Variants in ADAM9 observed in about 807,000 individuals in gnomAD.
The protein encoded by ADAM9 is ADAM metallopeptidase domain 9.
Under a neutral mutation model 108.1 loss-of-function variants are expected in ADAM9, and 54 were observed. That is an observed-to-expected ratio of 0.50 (90% CI 0.40 to 0.63). The LOEUF (loss-of-function observed/expected upper bound fraction) is 0.63, where lower values mean the gene tolerates loss of function less well. ADAM9 is among the 20% of genes least tolerant of loss of function. The pLI, the probability that ADAM9 is intolerant of heterozygous loss-of-function variation, is 0.00. For missense variants in ADAM9, 830 were observed against 997.7 expected (o/e 0.83, Z 2.26); for synonymous variants, 316 against 336.0 (o/e 0.94, Z 0.65).
chr8:39,013,313 A>G (rs190264254), intron 3 of ADAM9, among the ~76,000 whole-genome samples: 5 of 152,320 alleles, frequency 3.3e-5, no homozygotes, highest in Admixed American at 2.0e-4. Flanking sequence ...TATACTGTCA[A>G]TAACCCAGTT....
chr8:39,072,286 T>C (rs1186058015), intron 15 of ADAM9, among the ~76,000 whole-genome samples: 1 of 152,328 alleles, frequency 6.6e-6, no homozygotes, highest in East Asian at 1.9e-4. Context: ...TTCTGTAATA[T>C]TATCATTGCT....
chr8:39,045,122 G>GTATATA lies in ADAM9; in HGVS notation c.1302+3006_1302+3007insATATAT, dbSNP rs1356016546. Among the ~76,000 whole-genome samples, 154 of 67,884 alleles carry GTATATA rather than the reference G, an allele frequency of 2.3e-3. 25 individuals are homozygous for GTATATA. Among genetic ancestry groups the GTATATA allele is most frequent in the East Asian group, 0.021 (48 of 2,282 alleles). The allele number at this position is 67,884 out of a possible 152,430, so 44.5% of individuals were successfully genotyped here. A position where few individuals can be genotyped will look rare whatever the true frequency, so the allele number is the denominator to read the frequency against. ...TGTGTGTGCATACATACATATGTGT[G>GTATATA]TGTGCATACATACATATATGTGTAT... is the stretch of plus-strand genomic sequence containing the variant. On this transcript the variant is annotated intron_variant, in intron 12 of 21. Coordinates refer to ENST00000487273, the MANE Select transcript of ADAM9 (RefSeq NM_003816.3).
intron 12 of ADAM9, among the ~76,000 whole-genome samples, chr8:39,045,436 G>A (rs1377343974): frequency 9.0e-6 from 1 of 111,430 alleles, no homozygotes; most frequent in East Asian, 2.7e-4. Context: ...ACCTATATGT[G>A]CGCGTGTGTA....
intron 12 of ADAM9, among the ~76,000 whole-genome samples, chr8:39,053,317 A>G (rs1838016658): frequency 1.3e-5 from 2 of 152,028 alleles, no homozygotes; most frequent in South Asian, 2.1e-4. Flanking sequence ...GAACTTTTTC[A>G]TGTTGATGAA....
At chr8:39,045,568 G>GTATATATATATATATATATATATA (rs1354034713) in intron 12 of ADAM9, among the ~76,000 whole-genome samples, 6 of 139,230 alleles carry the variant, frequency 4.3e-5, no homozygotes, top group African/African-American at 1.6e-4. Flanking sequence ...ATGTGTGTGT[G>GTATATATATATATATATATATATA]TGTATATATA....
chr8:39,088,247 T>G (rs1466890492), intron 18 of ADAM9, among the ~76,000 whole-genome samples: 1 of 150,690 alleles, frequency 6.6e-6, no homozygotes, highest in East Asian at 2.0e-4. Context: ...GGGATAAATA[T>G]TGTTTCATAT....
At chr8:39,079,270 A>AT (rs1205312113) in intron 16 of ADAM9, among the ~76,000 whole-genome samples, 2 of 151,912 alleles carry the variant, frequency 1.3e-5, no homozygotes, top group Non-Finnish European at 2.9e-5. Flanking sequence ...TGCCTGGCTA[A>AT]TTTTTTTTAA....
chr8:39,041,498 T>TA (rs967819802), intron 11 of ADAM9, among the ~76,000 whole-genome samples: 3 of 151,358 alleles, frequency 2.0e-5, no homozygotes, highest in Middle Eastern at 3.2e-3. Context: ...GCAGAGCTCC[T>TA]AATAAGTGGT....
intron 12 of ADAM9, among the ~76,000 whole-genome samples, chr8:39,050,878 G>GAGGA (rs1837938915): frequency 1.4e-5 from 2 of 141,920 alleles, no homozygotes; most frequent in African/African-American, 5.3e-5. Context: ...AAACTGGGTA[G>GAGGA]AGGAACTGTG....
intron 11 of ADAM9, among the ~76,000 whole-genome samples, chr8:39,031,956 T>C (rs183757244): frequency 2.2e-4 from 34 of 152,316 alleles, no homozygotes; most frequent in African/African-American, 8.2e-4. Context: ...CTCCAGACCC[T>C]TTTTGCCTGG....
rs755286802 is a variant in ADAM9 at position 39,018,857 on chromosome 8, G to C, written c.611G>C (p.Arg204Thr). ...TGATGTTTGTGTTTTTGACAGAGAA[G>C]AAGAGCTGTCTTGCCACAGACCCGG... ...PPSMTQLLRR[R>T]RAVLPQTRYV... is the part of the protein sequence containing the mutation. Residue 204 changes from arginine to threonine, a missense_variant, in exon 7 of 22, where the codon AGA (arginine) becomes ACA (threonine). Arg to Thr is a moderately conservative substitution (Grantham distance 71). This residue lies in a region of ADAM9 where 381 missense variants were observed against 539.8 expected (regional missense o/e 0.71). Transcript: ENST00000487273. The C allele has an allele frequency of 1.1e-5, 17 of 1,613,884 alleles. No homozygotes were observed. In the South Asian group the frequency reaches 1.6e-4, roughly 16 times the overall value.
chr8:39,088,934 A>C (rs1839260657), intron 18 of ADAM9, among the ~76,000 whole-genome samples: 1 of 152,168 alleles, frequency 6.6e-6, no homozygotes. Flanking sequence ...CTGAGCAGAA[A>C]AAAATAAATA....
chr8:39,051,899 C>T (rs1837968927), intron 12 of ADAM9, among the ~76,000 whole-genome samples: 1 of 152,130 alleles, frequency 6.6e-6, no homozygotes, highest in Non-Finnish European at 1.5e-5. Flanking sequence ...CTGCCGTATA[C>T]ATCCTTGTAC....
intron 14 of ADAM9, among the ~76,000 whole-genome samples, chr8:39,057,009 T>C (rs1838145153): frequency 6.6e-6 from 1 of 152,230 alleles, no homozygotes; most frequent in Non-Finnish European, 1.5e-5. Context: ...GTATTTTTAC[T>C]GTAACTTTTC....
chr8:39,053,509 C>A (rs1452324413), intron 12 of ADAM9, among the ~76,000 whole-genome samples: 1 of 152,036 alleles, frequency 6.6e-6, no homozygotes, highest in African/African-American at 2.4e-5. Flanking sequence ...CATTAAAGTT[C>A]ATTTATTTTA....
chr8:39,072,057 C>T (rs1199285415), intron 15 of ADAM9, among the ~76,000 whole-genome samples: 10 of 152,172 alleles, frequency 6.6e-5, no homozygotes, highest in Non-Finnish European at 1.5e-4. Flanking sequence ...GCAGAAGAAA[C>T]TCTGAACTTC....
rs1185087393 is a variant in ADAM9 at position 39,013,950 on chromosome 8, T to G, written c.255-15T>G. 1 of 1,603,850 alleles carries G rather than the reference T, an allele frequency of 6.2e-7. No homozygotes were observed. The highest frequency in any genetic ancestry group is 1.1e-5 in the South Asian group (1 of 90,868). ...AGATAACATATATATAAACGGTGTT[T>G]TATTTCTCTTCCAGAGACCTTTTGC... On this transcript the variant is annotated splice_polypyrimidine_tract_variant and intron_variant, in intron 3 of 21. Transcript: ENST00000487273.
chr8:39,067,092 T>A (rs952797830), intron 14 of ADAM9, among the ~76,000 whole-genome samples: 1 of 152,232 alleles, frequency 6.6e-6, no homozygotes, highest in Non-Finnish European at 1.5e-5. Flanking sequence ...GAGGGCTCTG[T>A]TCTGTTCCAT....
intron 14 of ADAM9, among the ~76,000 whole-genome samples, chr8:39,063,480 T>TGG (rs1838359444): frequency 6.6e-6 from 1 of 152,128 alleles, no homozygotes; most frequent in African/African-American, 2.4e-5. Flanking sequence ...CCCAGCACTT[T>TGG]GGGAGGTGAG....
Sources: allele counts gnomAD v4.1 joint callset (sites outside exome capture counted in the v4.1 genomes callset), GRCh38; gene constraint gnomAD v4.1.1; regional missense constraint gnomAD v4.1.1; transcripts MANE v1.5; gene names NCBI Gene and HGNC (gene_info 2026-07-23, HGNC 2026-07-21).